The following PDCD6 variants were observed in gnomAD, a reference collection of about 807,000 sequenced individuals.
The protein encoded by PDCD6 is programmed cell death protein 6.
In PDCD6, 12 loss-of-function variants were observed where a neutral mutation model predicts 28.3. That is an observed-to-expected ratio of 0.42 (90% confidence interval 0.27 to 0.69). The LOEUF (loss-of-function observed/expected upper bound fraction) is 0.69, where lower values mean the gene tolerates loss of function less well. Among genes scored for constraint, PDCD6 ranks in the 30% least tolerant of loss-of-function variants. The probability of loss-of-function intolerance (pLI) is 0.22; values close to 1 mark genes in which losing one functional copy is unlikely to be tolerated. For synonymous variants in PDCD6, 92 were observed against 108.0 expected, an observed-to-expected ratio of 0.85 and a Z score of 0.92; for missense variants, 226 against 269.9, an observed-to-expected ratio of 0.84 and a Z score of 1.14.
intron 2 of PDCD6, among the ~76,000 whole-genome samples, chr5:280,449 G>A (rs1261744405): frequency 6.6e-6 from 1 of 150,962 alleles, no homozygotes; most frequent in Non-Finnish European, 1.5e-5. Flanking sequence ...GTGGGCTGTG[G>A]ATGGTGCTGG....
At chr5:271,988 C>T (rs1030072603) in intron 1 of PDCD6, among the ~76,000 whole-genome samples, 167 bp downstream of exon 1, 1 of 151,628 alleles carries the variant, frequency 6.6e-6, no homozygotes, top group African/African-American at 2.4e-5. Flanking sequence ...CGCCCCCGAC[C>T]CCTGCCCCAG....
Position 295,244 on chromosome 5 carries a change from GTA to G in PDCD6, c.164-8931_164-8930del, listed in dbSNP as rs1561041405. 6.9e-4 allele frequency among the ~76,000 whole-genome samples: 105 copies of G among 151,298 alleles called. 2 individuals are homozygous for G. The highest frequency in any genetic ancestry group is 1.6e-3 in the Admixed American group (24 of 15,178). On this transcript the variant is annotated intron_variant, in intron 2 of 5. Coordinates refer to ENST00000264933, the MANE Select transcript of PDCD6 (RefSeq NM_013232.4). The stretch of plus-strand genomic sequence containing the variant: ...AAACCACAAAAAGTATTTCATAAGC[GTA>G]TTGGACTTTGAGTTGACATCATCTA...
rs553026572 is a variant in PDCD6 at position 307,520 on chromosome 5, T to C, written c.367+760T>C. Among the ~76,000 whole-genome samples, 136 of 152,118 alleles carry C rather than the reference T, an allele frequency of 8.9e-4. 1 individual carries two copies. The highest frequency in any genetic ancestry group is 9.0e-4 in the Non-Finnish European group (61 of 68,006). ...ACAGTGCCTGTCCAGAGTGCGTCCA[T>C]AGGGCCTGTCCACGGGGCTTCCCGT... On this transcript the variant is annotated intron_variant, in intron 4 of 5. Transcript: ENST00000264933. The surrounding 1 kb of genome is among the most constrained non-coding windows in gnomAD (Gnocchi z 6.1).
intron 2 of PDCD6, among the ~76,000 whole-genome samples, chr5:281,396 G>C (rs1344701919): frequency 6.6e-6 from 1 of 152,174 alleles, no homozygotes; most frequent in African/African-American, 2.4e-5. Context: ...GTCTATGAGA[G>C]TCGTTGAGCT....
chr5:311,692 GTTTTGT>G, intron 5 of PDCD6: 1 of 332,720 alleles, frequency 3.0e-6, no homozygotes, highest in Non-Finnish European at 5.6e-6. Context: ...TTTGTTTTTT[GTTTTGT>G]TTTGTTTTGT....
At chr5:290,488 G>A (rs1356791964) in intron 2 of PDCD6, among the ~76,000 whole-genome samples, 1 of 152,170 alleles carries the variant, frequency 6.6e-6, no homozygotes, top group Non-Finnish European at 1.5e-5. Context: ...ATGTGAGAGA[G>A]TGAGACCAAC....
intron 2 of PDCD6, among the ~76,000 whole-genome samples, chr5:283,757 A>C (rs1176071445): frequency 6.6e-6 from 1 of 150,392 alleles, no homozygotes; most frequent in Non-Finnish European, 1.5e-5. Context: ...CTGATGTTCT[A>C]GTTTGAGTGT....
At position 307,555 on chromosome 5, in the gene PDCD6, A is replaced by G. The variant is rs1740606255; in HGVS notation, c.367+795A>G. 6.6e-6 allele frequency among the ~76,000 whole-genome samples: 1 copy of G among 152,096 alleles called. No individual in the cohort carries two copies. The highest frequency in any genetic ancestry group is 2.4e-5 in the African/African-American group (1 of 41,416). ...CCACGGGGCTTCCCGTGCTGCTCTCAGGGCTGAGAGGAAGCAGGGGTTTTA... is the reference window on the plus strand; with the variant it reads ...CCACGGGGCTTCCCGTGCTGCTCTCGGGGCTGAGAGGAAGCAGGGGTTTTA... On this transcript the variant is annotated intron_variant, in intron 4 of 5. Transcript: ENST00000264933. This position sits in a 1 kb window ranked among gnomAD's most constrained non-coding sequence, Gnocchi z 6.1.
chr5:303,310 A>C (rs538763755), intron 2 of PDCD6, among the ~76,000 whole-genome samples: 2 of 151,974 alleles, frequency 1.3e-5, no homozygotes, highest in East Asian at 3.9e-4. Flanking sequence ...AAAAAAAAAA[A>C]AACTGTGTGT....
intron 2 of PDCD6, among the ~76,000 whole-genome samples, chr5:281,552 A>T (rs1738563140): frequency 6.6e-6 from 1 of 151,638 alleles, no homozygotes; most frequent in African/African-American, 2.4e-5. Context: ...GGTCATGCAG[A>T]TGGAGATCTG....
At chr5:283,516 T>C (rs1296280180) in intron 2 of PDCD6, among the ~76,000 whole-genome samples, 1 of 152,106 alleles carries the variant, frequency 6.6e-6, no homozygotes, top group Non-Finnish European at 1.5e-5. Context: ...GAGGAGCTGA[T>C]GTTCTAGATT....
chr5:302,193 GT>G (rs1458255559), intron 2 of PDCD6, among the ~76,000 whole-genome samples: 1 of 32,248 alleles, frequency 3.1e-5, no homozygotes, highest in Non-Finnish European at 1.2e-4. Context: ...GAGTGCTGCT[GT>G]GTGTGTGTGT....
intron 2 of PDCD6, among the ~76,000 whole-genome samples, chr5:278,776 GGCTGGGGACACAGGGGAGGGT>G (rs1049097973): frequency 2.0e-5 from 3 of 149,754 alleles, no homozygotes; most frequent in African/African-American, 7.4e-5. Context: ...CAGGGGAGAG[GGCTGGGGACACAGGGGAGGGT>G]GCTGGGGATG....
chr5:298,419 C>G (rs1388149719), intron 2 of PDCD6, among the ~76,000 whole-genome samples: 1 of 152,012 alleles, frequency 6.6e-6, no homozygotes, highest in Non-Finnish European at 1.5e-5. Flanking sequence ...ATGATGGGTT[C>G]TTCTTCCTGC....
intron 2 of PDCD6, chr5:273,196 G>A: frequency 5.4e-6 from 1 of 184,916 alleles, no homozygotes; most frequent in Non-Finnish European, 1.2e-5. Flanking sequence ...AGCTCAGGCA[G>A]CCCTTGTATG....
intron 2 of PDCD6, among the ~76,000 whole-genome samples, chr5:278,140 G>A (rs1417890360): frequency 1.3e-4 from 20 of 151,596 alleles, no homozygotes; most frequent in African/African-American, 4.6e-4. Context: ...GGTGTGTTCA[G>A]AGGCAGAGAC....
At chr5:276,646 A>G in intron 2 of PDCD6, 1 of 978,554 alleles carries the variant, frequency 1.0e-6, no homozygotes, top group Non-Finnish European at 1.2e-6. Context: ...CTGTTTTGAT[A>G]GTAGAACTAA....
intron 2 of PDCD6, among the ~76,000 whole-genome samples, chr5:291,466 G>T (rs1739308596): frequency 6.8e-6 from 1 of 146,516 alleles, no homozygotes; most frequent in Non-Finnish European, 1.5e-5. Context: ...CACTGACATG[G>T]TTCATTTTCA....
intron 4 of PDCD6, 76 bp from the exon 5 acceptor site, chr5:311,217 G>C: frequency 3.7e-6 from 4 of 1,090,976 alleles, no homozygotes; most frequent in Non-Finnish European, 5.6e-6. Flanking sequence ...TGTGGGCCTT[G>C]GGCAGGAGGG....
Sources: allele counts gnomAD v4.1 joint callset (sites outside exome capture counted in the v4.1 genomes callset), GRCh38; gene constraint gnomAD v4.1.1; non-coding constraint Gnocchi (gnomAD v3.1); transcripts MANE v1.5; gene names NCBI Gene and HGNC (gene_info 2026-07-23, HGNC 2026-07-21).